Variants in PRAMEF20 observed in about 807,000 individuals in gnomAD.
PRAMEF20 encodes the protein PRAME family member 20/21.
In PRAMEF20, 27 loss-of-function variants were observed where a neutral mutation model predicts 32.4. That is an observed-to-expected ratio of 0.83 (90% CI 0.61 to 1.15). PRAMEF20 has a LOEUF of 1.15. Ranked by LOEUF, PRAMEF20 falls within the 50% of genes most tolerant of loss-of-function variation. The pLI is 0.00. For synonymous variants in PRAMEF20, 256 were observed against 235.4 expected (o/e 1.09, Z -0.80); for missense variants, 604 against 584.5 (o/e 1.03, Z -0.34).
exon 3 of PRAMEF20, chr1:13,421,218 G>C: frequency 6.2e-7 from 1 of 1,613,954 alleles, no homozygotes; most frequent in Non-Finnish European, 8.5e-7. Flanking sequence ...TGTGGCAACA[G>C]GTCACTTTAC....
intron 1 of PRAMEF20, among the ~76,000 whole-genome samples, chr1:13,417,651 G>A (rs1436496268): frequency 2.6e-5 from 4 of 151,672 alleles, no homozygotes; most frequent in Admixed American, 6.6e-5. Context: ...AAACAGGGTG[G>A]AGAAAAGTCA....
At chr1:13,416,255 G>T, upstream of PRAMEF20, 2 of 1,599,206 alleles carry the variant, frequency 1.3e-6, no homozygotes, top group South Asian at 2.2e-5. Flanking sequence ...CCAGAGCAAT[G>T]ACTTTGGCCC....
At chr1:13,418,944 G>A (rs1641213900) in intron 2 of PRAMEF20, among the ~76,000 whole-genome samples, 2 of 152,182 alleles carry the variant, frequency 1.3e-5, no homozygotes, top group South Asian at 4.1e-4. Context: ...TTCAGATTTA[G>A]TGAGGTTGCA....
At position 13,420,557 on chromosome 1, in the gene PRAMEF20, T is replaced by A. The variant is rs1045711581; in HGVS notation, c.867-140T>A. 2.3e-4 allele frequency: 275 copies of A among 1,191,218 alleles called. 1 individual carries two copies. The African/African-American group carries it at 3.3e-3, about 14-fold the overall frequency. 73.8% of individuals were successfully genotyped at this position (1,191,218 alleles called of 1,614,324 possible). ...CAAAGCTCTTCATCACGCAGCATCCTAAGTGTTGACTATCAGACAATCAGA... is the reference window on the plus strand; with the variant it reads ...CAAAGCTCTTCATCACGCAGCATCCAAAGTGTTGACTATCAGACAATCAGA... On this transcript the variant is annotated intron_variant, in intron 2 of 2. Transcript: ENST00000602960.
At chr1:13,417,913 TGTG>T (rs1641198322) in intron 1 of PRAMEF20, among the ~76,000 whole-genome samples, 3 of 73,774 alleles carry the variant, frequency 4.1e-5, no homozygotes, top group Admixed American at 1.3e-4. Flanking sequence ...GGCTAATTTG[TGTG>T]TGTGTGTGTG....
upstream of PRAMEF20, among the ~76,000 whole-genome samples, chr1:13,411,423 C>T (rs577566788): frequency 2.2e-4 from 33 of 152,142 alleles, no homozygotes; most frequent in East Asian, 5.6e-3. Flanking sequence ...ACCCACCCCC[C>T]TTCAAAAAAG....
chr1:13,421,245 G>T, exon 3 of PRAMEF20: 1 of 1,612,160 alleles, frequency 6.2e-7, no homozygotes, highest in Non-Finnish European at 8.5e-7. Context: ...GAGGTAGATC[G>T]GTGTTGCTGT....
chr1:13,415,119 G>A (rs985169911), upstream of PRAMEF20, among the ~76,000 whole-genome samples: 55 of 151,608 alleles, frequency 3.6e-4, no homozygotes, highest in Admixed American at 1.4e-3. Context: ...CATTCATGTC[G>A]CCCAGGCTGG....
intron 1 of PRAMEF20, among the ~76,000 whole-genome samples, chr1:13,417,778 C>T (rs1641193942): frequency 6.9e-6 from 1 of 144,354 alleles, no homozygotes. Flanking sequence ...CTCTGTCGCC[C>T]AGGCTGGGGC....
the PRAMEF20 span, among the ~76,000 whole-genome samples, chr1:13,410,999 AGCC>A: frequency 6.6e-6 from 1 of 152,006 alleles, no homozygotes. Flanking sequence ...CTGGGATTAC[AGCC>A]GCCTGCCACT....
Position 13,418,693 on chromosome 1 carries a change from A to C in PRAMEF20, c.859A>C (p.Met287Leu), listed in dbSNP as rs900116427. 1.5e-5 allele frequency: 25 copies of C among 1,613,494 alleles called. No individual in the cohort carries two copies. The Admixed American group carries it at 3.0e-4, about 19-fold the overall frequency. Residue 287 changes from methionine (M) to leucine (L), a missense_variant, in exon 2 of 3, where the codon ATG (methionine) becomes CTG (leucine). Met to Leu is a conservative substitution (Grantham distance 15, BLOSUM62 2). Transcript: ENST00000602960. ...TTTCCTCGAAGGCCACCTGGACCAG[A>C]TGCTCAGGTGAGGAAGGGTAGTGAG...
At chr1:13,410,718 T>G in the PRAMEF20 span, among the ~76,000 whole-genome samples, 2 of 151,988 alleles carry the variant, frequency 1.3e-5, no homozygotes, top group African/African-American at 4.8e-5. Context: ...TGCTTTGGTT[T>G]ATATCCTTTC....
chr1:13,416,620 T>C, exon 1 of PRAMEF20: 1 of 1,614,168 alleles, frequency 6.2e-7, no homozygotes, highest in Non-Finnish European at 8.5e-7. Context: ...GATGCACTGC[T>C]TACCCACAGG....
upstream of PRAMEF20, among the ~76,000 whole-genome samples, chr1:13,413,786 C>T (rs1427930650): frequency 2.0e-5 from 3 of 152,054 alleles, no homozygotes; most frequent in Non-Finnish European, 2.9e-5. Context: ...GGTCCAAGCA[C>T]CCTGAACACT....
At chr1:13,417,810 C>T (rs1340064752) in intron 1 of PRAMEF20, among the ~76,000 whole-genome samples, 9 of 145,486 alleles carry the variant, frequency 6.2e-5, no homozygotes, top group Admixed American at 4.2e-4. Flanking sequence ...GGCGCGATCT[C>T]AGCTCACTGC....
At chr1:13,418,844 A>G (rs1310656422) in intron 2 of PRAMEF20, 144 bp downstream of exon 3, 4 of 1,459,912 alleles carry the variant, frequency 2.7e-6, no homozygotes. Context: ...GGAAGTGGGT[A>G]TCACACATTC....
chr1:13,416,527 C>T, exon 1 of PRAMEF20: 2 of 1,614,110 alleles, frequency 1.2e-6, no homozygotes, highest in Non-Finnish European at 1.7e-6. Flanking sequence ...ATGGTGCAGG[C>T]CTGGCCTTTC....
chr1:13,420,118 G>A lies in PRAMEF20; in HGVS notation c.867-579G>A, dbSNP rs981575543. 5.4e-3 allele frequency among the ~76,000 whole-genome samples: 817 copies of A among 152,254 alleles called. 5 individuals carry two copies. The highest frequency in any genetic ancestry group is 0.017 in the Middle Eastern group (5 of 294). ...ATGTGGCCCAGAGATGTGGTTTTCT[G>A]CCTGACAGATGAGGAAAGGGAGCTT... On this transcript the variant is annotated intron_variant, in intron 2 of 2. Transcript: ENST00000602960.
upstream of PRAMEF20, chr1:13,416,279 TG>T (rs1641168575): frequency 1.4e-5 from 23 of 1,611,348 alleles, no homozygotes; most frequent in South Asian, 2.5e-4. Flanking sequence ...GAGATGAGAT[TG>T]CATGGGCTTG....
Sources: allele counts gnomAD v4.1 joint callset (sites outside exome capture counted in the v4.1 genomes callset), GRCh38; gene constraint gnomAD v4.1.1; transcripts MANE v1.5; gene names NCBI Gene and HGNC (gene_info 2026-07-23, HGNC 2026-07-21).